DPYSL3: variants seen among roughly 807,000 people sequenced by gnomAD.
DPYSL3 encodes dihydropyrimidinase-related protein 3.
Under a neutral mutation model 66.1 loss-of-function variants are expected in DPYSL3, and 16 were observed. The ratio of observed to expected loss-of-function variants is 0.24; its 90% CI spans 0.16 to 0.37. The LOEUF (loss-of-function observed/expected upper bound fraction) is 0.37, where lower values mean the gene tolerates loss of function less well. DPYSL3 is among the 10% of genes least tolerant of loss of function. The pLI is 1.00. For missense variants in DPYSL3, 738 were observed against 916.2 expected, an observed-to-expected ratio of 0.81 and a Z score of 2.51; for synonymous variants, 338 against 345.1, an observed-to-expected ratio of 0.98 and a Z score of 0.23.
intron 11 of DPYSL3, 95 bp from the exon 12 acceptor site, chr5:147,397,940 T>C: frequency 7.7e-7 from 1 of 1,298,448 alleles, no homozygotes; most frequent in Non-Finnish European, 1.0e-6. Flanking sequence ...TTGCTGCTGA[T>C]TCACCAGGTA....
intron 1 of DPYSL3, among the ~76,000 whole-genome samples, chr5:147,496,495 A>G (rs1482770631): frequency 6.6e-6 from 1 of 151,852 alleles, no homozygotes; most frequent in Non-Finnish European, 1.5e-5. Flanking sequence ...TTTGCAACCT[A>G]CTCATCTGAC....
chr5:147,433,969 G>A (rs1752365317), intron 1 of DPYSL3, among the ~76,000 whole-genome samples: 2 of 151,144 alleles, frequency 1.3e-5, no homozygotes, highest in Admixed American at 6.6e-5. Context: ...GTCAGAGGTT[G>A]CAGTGAGCTG....
intron 1 of DPYSL3, among the ~76,000 whole-genome samples, chr5:147,500,872 T>G (rs1039224632): frequency 6.6e-6 from 1 of 152,166 alleles, no homozygotes; most frequent in Non-Finnish European, 1.5e-5. Flanking sequence ...CTACTAAGAA[T>G]GCAGATTGGT....
At chr5:147,497,090 G>C (rs1753528487) in intron 1 of DPYSL3, among the ~76,000 whole-genome samples, 1 of 152,140 alleles carries the variant, frequency 6.6e-6, no homozygotes, top group Non-Finnish European at 1.5e-5. Flanking sequence ...ATGAGTTCAT[G>C]TCCTTTGTAG....
At chr5:147,422,967 G>A (rs1273697477) in intron 2 of DPYSL3, among the ~76,000 whole-genome samples, 5 of 152,006 alleles carry the variant, frequency 3.3e-5, no homozygotes, top group Non-Finnish European at 7.4e-5. Context: ...AAACCTGCAC[G>A]TTCTGCACAT....
At chr5:147,430,675 G>T (rs1356359746) in intron 1 of DPYSL3, among the ~76,000 whole-genome samples, 3 of 152,130 alleles carry the variant, frequency 2.0e-5, no homozygotes, top group Non-Finnish European at 4.4e-5. Flanking sequence ...GGAATGAAAA[G>T]ACAGAATCTT....
chr5:147,467,426 G>A (rs1400338503), intron 1 of DPYSL3, among the ~76,000 whole-genome samples: 1 of 152,118 alleles, frequency 6.6e-6, no homozygotes. Flanking sequence ...GAAGTGAGTG[G>A]ATGGAAAATG....
intron 1 of DPYSL3, chr5:147,473,209 A>G (rs1271004793): frequency 6.6e-6 from 1 of 152,198 alleles, no homozygotes; most frequent in African/African-American, 2.4e-5. Flanking sequence ...TTTCACATCA[A>G]TGTGAGAGGG....
At chr5:147,397,643 C>T (rs1044122963) in intron 12 of DPYSL3, 23 bp downstream of exon 12, 4 of 1,606,912 alleles carry the variant, frequency 2.5e-6, no homozygotes, top group Non-Finnish European at 1.7e-6. Flanking sequence ...CCTGCACCAC[C>T]TCAGAGCTCC....
In DPYSL3 at chr5:147,509,769, C is replaced by T; in HGVS notation, c.90G>A (p.Pro30=). The change falls in exon 1 of 14, where the codon CCG becomes CCA. Residue 30 remains proline (P), a synonymous_variant. Coordinates refer to ENST00000343218, the MANE Select transcript of DPYSL3 (RefSeq NM_001197294.2). This position sits in a 1 kb window ranked among gnomAD's most constrained non-coding sequence, Gnocchi z 5.3. ...AGAACATGCCGCCGTATTTCTGCCGCGGGACCTGGTCCGTGGTGCCCGGCC... is the reference window on the plus strand; with the variant it reads ...AGAACATGCCGCCGTATTTCTGCCGTGGGACCTGGTCCGTGGTGCCCGGCC... ...LARPGTTDQV[P]RQKYGGMFCN... is the part of the protein sequence containing the mutation. The T allele has an allele frequency of 6.5e-7, 1 of 1,535,996 alleles. No homozygotes were observed. Among genetic ancestry groups the T allele is most frequent in the Non-Finnish European group, 8.7e-7 (1 of 1,146,796 alleles).
chr5:147,480,653 G>C (rs180758310), intron 1 of DPYSL3, among the ~76,000 whole-genome samples: 1 of 151,004 alleles, frequency 6.6e-6, no homozygotes, highest in Admixed American at 6.6e-5. Context: ...AATCAATACA[G>C]ATTTGTTGAA....
chr5:147,485,277 A>C (rs891938636), intron 1 of DPYSL3, among the ~76,000 whole-genome samples: 4 of 152,074 alleles, frequency 2.6e-5, no homozygotes, highest in Admixed American at 6.5e-5. Flanking sequence ...ATTTAGACAA[A>C]ATTCTTGCTT....
intron 1 of DPYSL3, among the ~76,000 whole-genome samples, chr5:147,454,454 G>GGC (rs1752809369): frequency 6.6e-6 from 1 of 152,190 alleles, no homozygotes; most frequent in Non-Finnish European, 1.5e-5. Context: ...GGCTGCAAGG[G>GGC]GCACGGTAGC....
At chr5:147,442,746 A>C (rs1461658664) in intron 1 of DPYSL3, among the ~76,000 whole-genome samples, 1 of 152,240 alleles carries the variant, frequency 6.6e-6, no homozygotes, top group Non-Finnish European at 1.5e-5. Context: ...GGATATTTAA[A>C]ACATGGAAAG....
chr5:147,456,881 G>A (rs538175427), intron 1 of DPYSL3, among the ~76,000 whole-genome samples: 46 of 152,012 alleles, frequency 3.0e-4, no homozygotes, highest in South Asian at 2.9e-3. Flanking sequence ...ATGAACCACC[G>A]CACCCAGCCA....
intron 1 of DPYSL3, among the ~76,000 whole-genome samples, chr5:147,463,973 C>A (rs1752971803): frequency 2.0e-5 from 3 of 151,572 alleles, no homozygotes; most frequent in Non-Finnish European, 4.4e-5. Flanking sequence ...AGGAGTGTCT[C>A]ATTAACTGGC....
chr5:147,509,226 G>A lies in DPYSL3; in HGVS notation c.381+252C>T, dbSNP rs574100825. Among the ~76,000 whole-genome samples the A allele has an allele frequency of 1.3e-5, 2 of 152,198 alleles. No homozygotes were observed. The highest frequency in any genetic ancestry group is 2.9e-5 in the Non-Finnish European group (2 of 68,024). On this transcript the variant is annotated intron_variant, in intron 1 of 13. Coordinates refer to ENST00000343218, the MANE Select transcript of DPYSL3 (RefSeq NM_001197294.2). The surrounding 1 kb of genome is among the most constrained non-coding windows in gnomAD (Gnocchi z 5.3). ...AGTGCGGCGAGGAGGCAGGGGCAAA[G>A]GACGCGGCTCCAGGCAGGGGAACCC... is the stretch of plus-strand genomic sequence containing the variant.
intron 1 of DPYSL3, among the ~76,000 whole-genome samples, chr5:147,449,274 C>T (rs975556397): frequency 2.6e-5 from 4 of 152,170 alleles, no homozygotes; most frequent in African/African-American, 9.7e-5. Flanking sequence ...TCCAGTGGCA[C>T]CTACTACACT....
intron 1 of DPYSL3, among the ~76,000 whole-genome samples, chr5:147,457,413 T>C (rs73264236): frequency 0.016 from 2,510 of 152,312 alleles, 76 homozygotes; most frequent in African/African-American, 0.058. Flanking sequence ...GGAGTGAATG[T>C]AAGAATTTTT....
Sources: allele counts gnomAD v4.1 joint callset (sites outside exome capture counted in the v4.1 genomes callset), GRCh38; gene constraint gnomAD v4.1.1; non-coding constraint Gnocchi (gnomAD v3.1); transcripts MANE v1.5; gene names NCBI Gene and HGNC (gene_info 2026-07-23, HGNC 2026-07-21).